COG7: variants seen among roughly 807,000 people sequenced by gnomAD.
COG7 encodes conserved oligomeric Golgi complex subunit 7.
Under a neutral mutation model 91.5 loss-of-function variants are expected in COG7, and 49 were observed. That is an observed-to-expected ratio of 0.54 (90% CI 0.43 to 0.68). The LOEUF (loss-of-function observed/expected upper bound fraction) is 0.68. Ranked by LOEUF, COG7 falls within the 30% of genes least tolerant of loss-of-function variation. The pLI is 0.00. For missense variants in COG7, 895 were observed against 961.3 expected (o/e 0.93, Z 0.91); for synonymous variants, 365 against 388.7 (o/e 0.94, Z 0.72).
chr16:23,419,093 A>G (rs1480762170), intron 7 of COG7, among the ~76,000 whole-genome samples: 3 of 152,208 alleles, frequency 2.0e-5, no homozygotes, highest in Non-Finnish European at 4.4e-5. Flanking sequence ...CCCACCACAA[A>G]TAAGAATCCC....
Position 23,424,826 on chromosome 16 carries a change from A to T in COG7, c.932T>A (p.Leu311His), listed in dbSNP as rs2142081324. Residue 311 changes from leucine to histidine, a missense_variant, in exon 7 of 17, where the codon CTC (leucine) becomes CAC (histidine). Coordinates refer to ENST00000307149, the MANE Select transcript of COG7 (RefSeq NM_153603.4). ...GTCGTAGAACTCCAGCAGCCTGGTGAGCTCCTGCTCGGGCCCTGCCCTCTC... is the reference window on the plus strand; with the variant it reads ...GTCGTAGAACTCCAGCAGCCTGGTGTGCTCCTGCTCGGGCCCTGCCCTCTC... ...GVERAGPEQE[L>H]TRLLEFYDAT... 6.2e-7 allele frequency: 1 copy of T among 1,614,184 alleles called. No individual in the cohort carries two copies. The highest frequency in any genetic ancestry group is 2.2e-5 in the East Asian group (1 of 44,866).
chr16:23,451,819 T>G (rs939291715), intron 1 of COG7, among the ~76,000 whole-genome samples: 7 of 152,062 alleles, frequency 4.6e-5, no homozygotes, highest in African/African-American at 1.4e-4. Flanking sequence ...GTTTTCTAGA[T>G]CTGTGTCATT....
At position 23,453,065 on chromosome 16, in the gene COG7, C is replaced by G; in HGVS notation, c.-71G>C. 1 of 1,602,638 alleles carries G rather than the reference C, an allele frequency of 6.2e-7. No homozygotes were observed. Among genetic ancestry groups the G allele is most frequent in the South Asian group, 1.1e-5 (1 of 89,952 alleles). On this transcript the variant is annotated 5_prime_UTR_variant, in exon 1 of 17. Coordinates refer to ENST00000307149, the MANE Select transcript of COG7 (RefSeq NM_153603.4). Reference sequence around the variant, plus strand: ...CCGGGCGGCAACGGGGATGCAGAAGCGAGCGAGCCTGCGAGAGCACCGAGG... The same window carrying G: ...CCGGGCGGCAACGGGGATGCAGAAGGGAGCGAGCCTGCGAGAGCACCGAGG...
chr16:23,394,389 T>C (rs1345719276), intron 14 of COG7, among the ~76,000 whole-genome samples: 1 of 152,190 alleles, frequency 6.6e-6, no homozygotes, highest in African/African-American at 2.4e-5. Context: ...CCTATTTCTA[T>C]TGTAATTCAT....
intron 1 of COG7, among the ~76,000 whole-genome samples, chr16:23,448,511 T>C (rs1567349831): frequency 6.6e-6 from 1 of 152,172 alleles, no homozygotes; most frequent in African/African-American, 2.4e-5. Context: ...TTGTCTAGGC[T>C]GGTCTGGAAC....
At chr16:23,407,529 AGAG>A (rs1294188397) in intron 11 of COG7, among the ~76,000 whole-genome samples, 11 of 152,206 alleles carry the variant, frequency 7.2e-5, no homozygotes, top group African/African-American at 2.2e-4. Flanking sequence ...AAGGCTTGGT[AGAG>A]GAGAGGCCTT....
chr16:23,448,084 C>A (rs1226654069), intron 1 of COG7, among the ~76,000 whole-genome samples: 1 of 151,986 alleles, frequency 6.6e-6, no homozygotes, highest in Non-Finnish European at 1.5e-5. Flanking sequence ...AATTTGGGGT[C>A]CTCAACATGT....
At chr16:23,408,527 C>T (rs1043441335) in intron 11 of COG7, among the ~76,000 whole-genome samples, 2 of 151,522 alleles carry the variant, frequency 1.3e-5, no homozygotes, top group South Asian at 4.2e-4. Context: ...TTTCTTCTCA[C>T]GATTCTTTGT....
At position 23,445,078 on chromosome 16, in the gene COG7, G is replaced by A. The variant is rs143571247; in HGVS notation, c.405C>T (p.Ser135=). Residue 135 remains serine (S), a synonymous_variant, in exon 3 of 17, where the codon AGC becomes AGT. Transcript: ENST00000307149. ...TCTTAAATGTCTCCTCAATATCGGCGCTCAACGTGCTCCACTTATCTGCTT... is the reference window on the plus strand; with the variant it reads ...TCTTAAATGTCTCCTCAATATCGGCACTCAACGTGCTCCACTTATCTGCTT... ...LQEADKWSTL[S]ADIEETFKTQ... is the part of the protein sequence containing the mutation. The A allele has an allele frequency of 4.4e-5, 71 of 1,613,714 alleles. No individual in the cohort carries two copies. The African/African-American group carries it at 8.3e-4, about 19-fold the overall frequency.
chr16:23,444,964 C>A (rs1397083262), intron 3 of COG7, 84 bp downstream of exon 3: 1 of 1,016,146 alleles, frequency 9.8e-7, no homozygotes, highest in Non-Finnish European at 1.6e-6. Flanking sequence ...TATTGGCTAT[C>A]AACTTTGTAT....
At chr16:23,423,354 G>C (rs1008239299) in intron 7 of COG7, among the ~76,000 whole-genome samples, 8 of 152,176 alleles carry the variant, frequency 5.3e-5, no homozygotes, top group Non-Finnish European at 4.4e-5. Context: ...GCGAGAGTGA[G>C]ACTCGTCCCA....
chr16:23,393,378 C>T, intron 14 of COG7, 31 bp from the exon 15 acceptor site: 2 of 1,507,038 alleles, frequency 1.3e-6, no homozygotes, highest in Non-Finnish European at 1.8e-6. Context: ...GTTAGCCTGA[C>T]ATTGACACAT....
Position 23,404,545 on chromosome 16 carries a change from C to T in COG7, c.1663-711G>A, listed in dbSNP as rs1032819617. Among the ~76,000 whole-genome samples, 7 of 152,320 alleles carry T rather than the reference C, an allele frequency of 4.6e-5. No homozygotes were observed. In the East Asian group the frequency reaches 1.3e-3, roughly 29 times the overall value. On this transcript the variant is annotated intron_variant, in intron 12 of 16. Coordinates refer to ENST00000307149, the MANE Select transcript of COG7 (RefSeq NM_153603.4). ...CAAGGTGCAAAGAGATGGGGAGGCC[C>T]TGGGAGAATAGCACTGAAGCCTCAG... is the stretch of plus-strand genomic sequence containing the variant.
chr16:23,446,996 T>C (rs1436694535), intron 1 of COG7: 3 of 152,258 alleles, frequency 2.0e-5, no homozygotes, highest in African/African-American at 7.2e-5. Flanking sequence ...GGGACCTGCC[T>C]GGCTAGGCCT....
chr16:23,409,088 T>TGTGTGTGTGC (rs567307217), intron 11 of COG7, among the ~76,000 whole-genome samples: 11 of 147,806 alleles, frequency 7.4e-5, no homozygotes, highest in African/African-American at 2.8e-4. Context: ...TGTGTGTGTG[T>TGTGTGTGTGC]GCGTGCATGT....
At chr16:23,428,004 T>C (rs746020072) in intron 6 of COG7, among the ~76,000 whole-genome samples, 1 of 152,194 alleles carries the variant, frequency 6.6e-6, no homozygotes, top group Non-Finnish European at 1.5e-5. Context: ...GGTGAAACCC[T>C]GTCTCTACTA....
chr16:23,432,506 A>T (rs545841216), intron 6 of COG7, among the ~76,000 whole-genome samples: 1 of 152,102 alleles, frequency 6.6e-6, no homozygotes, highest in South Asian at 2.1e-4. Context: ...TTGGAGAAAA[A>T]AAATAAATAA....
chr16:23,407,539 C>A (rs527748127), intron 11 of COG7, among the ~76,000 whole-genome samples: 4 of 152,204 alleles, frequency 2.6e-5, no homozygotes, highest in African/African-American at 4.8e-5. Flanking sequence ...AGAGGAGAGG[C>A]CTTAAGGACC....
At chr16:23,405,600 G>A (rs537961219) in intron 12 of COG7, among the ~76,000 whole-genome samples, 271 of 148,112 alleles carry the variant, frequency 1.8e-3, no homozygotes, top group African/African-American at 6.6e-3. Flanking sequence ...CACTGTAACC[G>A]GTGCCTCCCT....
Sources: gnomAD v4.1 joint callset for allele counts (sites outside exome capture counted in the v4.1 genomes callset) on GRCh38, gnomAD v4.1.1 for gene constraint, MANE v1.5 for transcripts, NCBI Gene and HGNC (gene_info 2026-07-23, HGNC 2026-07-21) for gene names.